ADK: variants seen among roughly 807,000 people sequenced by gnomAD.
ADK encodes the protein N6,N6-dimethyladenosine kinase.
Under a neutral mutation model 44.7 loss-of-function variants are expected in ADK, and 24 were observed. The ratio of observed to expected loss-of-function variants is 0.54; its 90% CI spans 0.39 to 0.76. The LOEUF is 0.76. ADK is among the 30% of genes least tolerant of loss of function. ADK has a pLI of 0.00. For missense variants in ADK, 321 were observed against 425.1 expected (o/e 0.76, Z 2.15); for synonymous variants, 128 against 142.6 (o/e 0.90, Z 0.73).
chr10:74,593,439 T>C (rs1288835189), intron 8 of ADK, among the ~76,000 whole-genome samples: 3 of 151,550 alleles, frequency 2.0e-5, no homozygotes, highest in Non-Finnish European at 4.4e-5. Flanking sequence ...ATGATGGCTA[T>C]GGAATGACCC....
chr10:74,236,794 G>A (rs1487206900), intron 3 of ADK, among the ~76,000 whole-genome samples: 2 of 152,074 alleles, frequency 1.3e-5, no homozygotes, highest in Non-Finnish European at 2.9e-5. Context: ...GTAATCTATT[G>A]TATACAATAA....
intron 5 of ADK, among the ~76,000 whole-genome samples, chr10:74,396,208 T>C (rs560113322): frequency 1.3e-5 from 2 of 152,322 alleles, no homozygotes; most frequent in South Asian, 4.1e-4. Flanking sequence ...TTGTTTTGGA[T>C]AGGTCCAGTA....
chr10:74,177,060 G>A (rs1323766201), intron 1 of ADK, among the ~76,000 whole-genome samples: 1 of 152,244 alleles, frequency 6.6e-6, no homozygotes, highest in African/African-American at 2.4e-5. Context: ...TTCCTCAGAA[G>A]TTTTCGGGTC....
At chr10:74,471,885 C>T (rs968724382) in intron 6 of ADK, among the ~76,000 whole-genome samples, 1 of 152,020 alleles carries the variant, frequency 6.6e-6, no homozygotes, top group African/African-American at 2.4e-5. Flanking sequence ...TTATTTATTC[C>T]TCCTAATAGG....
In ADK at chr10:74,447,432, A is replaced by G. The variant is rs185539328; in HGVS notation, c.555+48853A>G. Among the ~76,000 whole-genome samples, 19 of 152,322 alleles carry G rather than the reference A, an allele frequency of 1.2e-4. No individual in the cohort carries two copies. The East Asian group carries it at 2.1e-3, about 17-fold the overall frequency. On this transcript the variant is annotated intron_variant, in intron 6 of 10. Coordinates refer to ENST00000539909, the MANE Select transcript of ADK (RefSeq NM_006721.4). ...TGGAGAGGAGGACGCCATTACAAAT[A>G]TGAATTTCCTTTACAAAAGGGAAAT... is the stretch of plus-strand genomic sequence containing the variant.
Position 74,495,676 on chromosome 10 carries a change from G to A in ADK, c.556-29580G>A, listed in dbSNP as rs555250767. ...TTCCCTATCTTCCTTTGTGCTTGGA[G>A]TTCCTGAGTCTGAAGCCTTTCCAGT... On this transcript the variant is annotated intron_variant, in intron 6 of 10. Coordinates refer to ENST00000539909, the MANE Select transcript of ADK (RefSeq NM_006721.4). Among the ~76,000 whole-genome samples the A allele has an allele frequency of 2.0e-5, 3 of 152,254 alleles. No homozygotes were observed. The East Asian group carries it at 5.8e-4, about 29-fold the overall frequency.
rs992676048 is a variant in ADK at position 74,152,660 on chromosome 10, G to A, written c.65+1317G>A. Reference sequence around the variant, plus strand: ...TATAATGCTGATCCATTTTCACTGTGTTTTCCTATTTATTATCTTGTTGGA... The same window carrying A: ...TATAATGCTGATCCATTTTCACTGTATTTTCCTATTTATTATCTTGTTGGA... On this transcript the variant is annotated intron_variant, in intron 1 of 10. Transcript: ENST00000539909. Among the ~76,000 whole-genome samples the A allele has an allele frequency of 2.6e-5, 4 of 152,054 alleles. No homozygotes were observed. In the South Asian group the frequency reaches 6.2e-4, roughly 24 times the overall value.
At chr10:74,455,394 G>A (rs941798654) in intron 6 of ADK, among the ~76,000 whole-genome samples, 6 of 152,148 alleles carry the variant, frequency 3.9e-5, no homozygotes, top group African/African-American at 1.4e-4. Flanking sequence ...TACTTGGGAG[G>A]CCAAGGCAGG....
At chr10:74,251,888 CA>C (rs1225511146) in intron 3 of ADK, among the ~76,000 whole-genome samples, 1 of 139,740 alleles carries the variant, frequency 7.2e-6, no homozygotes. Flanking sequence ...TTCCTTGTGG[CA>C]GATACTTTTT....
At chr10:74,330,418 G>A (rs772275027) in intron 4 of ADK, among the ~76,000 whole-genome samples, 1 of 152,004 alleles carries the variant, frequency 6.6e-6, no homozygotes, top group Non-Finnish European at 1.5e-5. Flanking sequence ...GTGGCATCCT[G>A]TCTCTTAAAA....
intron 10 of ADK, among the ~76,000 whole-genome samples, chr10:74,704,423 A>T (rs1856528984): frequency 6.6e-6 from 1 of 152,212 alleles, no homozygotes; most frequent in South Asian, 2.1e-4. Flanking sequence ...ATTTAAATAT[A>T]AGCTCCCTTT....
chr10:74,573,797 G>A lies in ADK; in HGVS notation c.727-15485G>A, dbSNP rs186624151. 1.3e-3 allele frequency among the ~76,000 whole-genome samples: 194 copies of A among 152,320 alleles called. 1 individual carries two copies. In the East Asian group the frequency reaches 0.02, roughly 16 times the overall value. The stretch of plus-strand genomic sequence containing the variant: ...CAATCAGCGAGACTCCATGGGCGTA[G>A]GACCCTCCGAGCCAGGTGCGGGATA... On this transcript the variant is annotated intron_variant, in intron 7 of 10. Transcript: ENST00000539909.
At chr10:74,422,114 G>A (rs1844575333) in intron 6 of ADK, among the ~76,000 whole-genome samples, 2 of 152,146 alleles carry the variant, frequency 1.3e-5, no homozygotes, top group African/African-American at 2.4e-5. Context: ...GAGAAAGCTG[G>A]TAAACAACTA....
chr10:74,509,221 TCTCA>T (rs972349323), intron 6 of ADK: 3 of 149,830 alleles, frequency 2.0e-5, no homozygotes, highest in African/African-American at 7.5e-5. Flanking sequence ...TGAGACGGAG[TCTCA>T]CTCTGTCGCC....
chr10:74,440,093 T>C (rs1845345686), intron 6 of ADK, among the ~76,000 whole-genome samples: 1 of 152,100 alleles, frequency 6.6e-6, no homozygotes, highest in South Asian at 2.1e-4. Flanking sequence ...TATTTCCTGG[T>C]TCCTCTCTAA....
intron 7 of ADK, among the ~76,000 whole-genome samples, chr10:74,542,544 A>G (rs929039511): frequency 6.6e-6 from 1 of 152,154 alleles, no homozygotes; most frequent in Non-Finnish European, 1.5e-5. Flanking sequence ...AAACATTTAT[A>G]TGGTTCTTAA....
At chr10:74,409,754 CATGGT>C (rs1844096729) in intron 6 of ADK, among the ~76,000 whole-genome samples, 1 of 152,092 alleles carries the variant, frequency 6.6e-6, no homozygotes, top group Admixed American at 6.6e-5. Flanking sequence ...GTAGAAGAAA[CATGGT>C]ATGAAGAAAT....
At chr10:74,310,962 GT>G (rs1840415393) in intron 3 of ADK, among the ~76,000 whole-genome samples, 1 of 151,606 alleles carries the variant, frequency 6.6e-6, no homozygotes, top group South Asian at 2.1e-4. Flanking sequence ...TCTATATATG[GT>G]TCTTTAAAAA....
At chr10:74,467,448 G>A (rs1366041706) in intron 6 of ADK, among the ~76,000 whole-genome samples, 1 of 152,088 alleles carries the variant, frequency 6.6e-6, no homozygotes, top group Non-Finnish European at 1.5e-5. Flanking sequence ...GGCTTGCTTC[G>A]TGTCTTTGAT....
Sources: gnomAD v4.1 joint callset for allele counts (sites outside exome capture counted in the v4.1 genomes callset) on GRCh38, gnomAD v4.1.1 for gene constraint, MANE v1.5 for transcripts, NCBI Gene and HGNC (gene_info 2026-07-23, HGNC 2026-07-21) for gene names.